Variants in XIRP2 observed in about 807,000 individuals in gnomAD.
The protein encoded by XIRP2 is xin actin binding repeat containing 2, also known as xin actin-binding repeat-containing protein 2.
A neutral mutation model predicts 277.0 loss-of-function variants in XIRP2; 236 were observed. The observed-to-expected ratio is 0.85, with a 90% CI of 0.77 to 0.95. The LOEUF (loss-of-function observed/expected upper bound fraction) is 0.95. Ranked by LOEUF, XIRP2 falls within the 40% of genes least tolerant of loss-of-function variation. The pLI, the probability that XIRP2 is intolerant of heterozygous loss-of-function variation, is 0.00. For synonymous variants in XIRP2, 1,490 were observed against 1,416.5 expected, an observed-to-expected ratio of 1.05 and a Z score of -1.17; for missense variants, 4,640 against 4,157.5, an observed-to-expected ratio of 1.12 and a Z score of -3.19.
intron 3 of XIRP2, among the ~76,000 whole-genome samples, chr2:167,150,971 C>A (rs1337305888): frequency 1.3e-5 from 2 of 152,108 alleles, no homozygotes; most frequent in East Asian, 1.9e-4. Flanking sequence ...AAGAGACTTG[C>A]AAGTTTAAAA....
In XIRP2 at chr2:167,246,715, G is replaced by C; in HGVS notation, c.5323G>C (p.Glu1775Gln). 1.2e-6 allele frequency: 2 copies of C among 1,613,708 alleles called. No individual in the cohort carries two copies. The highest frequency in any genetic ancestry group is 2.2e-5 in the South Asian group (2 of 91,078). Reference protein sequence around the residue: ...SNETLTAKKQEGEKEIIGGDV... With the variant: ...SNETLTAKKQQGEKEIIGGDV... ...TGAAACACTGACAGCTAAGAAACAA[G>C]AAGGAGAGAAAGAAATCATTGGTGG... Residue 1775 changes from glutamate to glutamine, a missense_variant, in exon 9 of 11, where the codon GAA (glutamate) becomes CAA (glutamine). Glu to Gln is a conservative substitution (Grantham distance 29). Coordinates refer to ENST00000409195, the MANE Select transcript of XIRP2 (RefSeq NM_152381.6).
intron 2 of XIRP2, among the ~76,000 whole-genome samples, chr2:167,011,040 T>G (rs1328217276): frequency 2.6e-5 from 4 of 152,172 alleles, no homozygotes; most frequent in Non-Finnish European, 5.9e-5. Context: ...GACTTCCTCT[T>G]TTCCTAATTG....
intron 2 of XIRP2, among the ~76,000 whole-genome samples, chr2:167,037,519 G>A: frequency 1.3e-5 from 1 of 76,426 alleles, no homozygotes; most frequent in East Asian, 3.9e-4. Context: ...CATGTGGGGG[G>A]TGTGTGTGTG....
At chr2:166,983,029 CCTTCAGTTAGGTGG>C (rs1686914841) in intron 2 of XIRP2, among the ~76,000 whole-genome samples, 1 of 152,132 alleles carries the variant, frequency 6.6e-6, no homozygotes, top group Non-Finnish European at 1.5e-5. Flanking sequence ...CTTTCTGGTG[CCTTCAGTTAGGTGG>C]CTTTTGCTGT....
At chr2:167,098,114 G>A (rs1279642254) in intron 2 of XIRP2, among the ~76,000 whole-genome samples, 3 of 152,142 alleles carry the variant, frequency 2.0e-5, no homozygotes, top group African/African-American at 7.2e-5. Flanking sequence ...GGTTGGGGAG[G>A]TTCTCGTGGA....
At chr2:167,083,246 A>T (rs1243370097) in intron 2 of XIRP2, among the ~76,000 whole-genome samples, 1 of 152,014 alleles carries the variant, frequency 6.6e-6, no homozygotes, top group Non-Finnish European at 1.5e-5. Context: ...CAAAGATCAG[A>T]TAGTTGTAGA....
chr2:167,011,777 A>T (rs1197297635), intron 2 of XIRP2, among the ~76,000 whole-genome samples: 1 of 151,896 alleles, frequency 6.6e-6, no homozygotes, highest in Non-Finnish European at 1.5e-5. Context: ...TCAGAGATTC[A>T]ACTTCTTCCT....
chr2:167,246,993 C>G lies in XIRP2; in HGVS notation c.5601C>G (p.Asn1867Lys). The change falls in exon 9 of 11, where the codon AAC becomes AAG. Residue 1867 changes from asparagine (N) to lysine (K), a missense_variant. By Grantham distance (94) the Asn-to-Lys change is moderately conservative. Transcript: ENST00000409195. ...AAACAGAAGAAATTATAAAAGGTAA[C>G]ATGCTAGCCACACTCAAGTCACTTA... ...VTKTEEIIKG[N>K]MLATLKSLKE... The G allele has an allele frequency of 6.2e-7, 1 of 1,613,636 alleles. No homozygotes were observed. Among genetic ancestry groups the G allele is most frequent in the Non-Finnish European group, 8.5e-7 (1 of 1,179,742 alleles).
At chr2:167,077,280 G>C (rs1047043636) in intron 2 of XIRP2, among the ~76,000 whole-genome samples, 2 of 152,132 alleles carry the variant, frequency 1.3e-5, no homozygotes, top group East Asian at 1.9e-4. Context: ...TTTAAAGCTA[G>C]TATTACAATC....
At chr2:167,199,229 C>T (rs2390548) in intron 3 of XIRP2, among the ~76,000 whole-genome samples, 12,236 of 152,180 alleles carry the variant, frequency 0.08, 530 homozygotes, top group South Asian at 0.15. Flanking sequence ...ACCTCTAGTT[C>T]CTACAGAATG....
chr2:167,249,260 T>C lies in XIRP2; in HGVS notation c.7868T>C (p.Val2623Ala), dbSNP rs779413406. The change falls in exon 9 of 11, where the codon GTG (valine) becomes GCG (alanine). Residue 2623 changes from valine to alanine, a missense_variant. Val to Ala is a moderately conservative substitution (Grantham distance 64). Transcript: ENST00000409195. ...CAAAGTAATGCTCGGATACTAGGAG[T>C]GTGTTCTGATAACCAACTCTCCACA... ...GSQSNARILG[V>A]CSDNQLSTTS... 1.9e-6 allele frequency: 3 copies of C among 1,613,436 alleles called. No homozygotes were observed. In the African/African-American group the frequency reaches 4.0e-5, roughly 22 times the overall value.
chr2:166,940,669 G>A (rs1685680755), intron 2 of XIRP2, among the ~76,000 whole-genome samples: 1 of 152,204 alleles, frequency 6.6e-6, no homozygotes, highest in South Asian at 2.1e-4. Context: ...CTAACAGTCA[G>A]GACCCTCAGC....
chr2:167,253,423 A>T lies in XIRP2; in HGVS notation c.10556-609A>T, dbSNP rs572474632. The stretch of plus-strand genomic sequence containing the variant: ...AGATTGAGGACAAATGACCCTGAGC[A>T]TTTTACTGTGTTCAGGAGTCTCATT... On this transcript the variant is annotated intron_variant, in intron 9 of 10. Transcript: ENST00000409195. Among the ~76,000 whole-genome samples the T allele has an allele frequency of 6.6e-5, 10 of 151,948 alleles. 1 individual carries two copies. The South Asian group carries it at 1.9e-3, about 28-fold the overall frequency.
intron 2 of XIRP2, among the ~76,000 whole-genome samples, chr2:167,128,110 A>G (rs2105310767): frequency 6.6e-6 from 1 of 152,344 alleles, no homozygotes; most frequent in East Asian, 1.9e-4. Flanking sequence ...TAGAATATCT[A>G]GAAATTATGC....
At chr2:167,026,416 C>G (rs952387287) in intron 2 of XIRP2, among the ~76,000 whole-genome samples, 11 of 152,136 alleles carry the variant, frequency 7.2e-5, no homozygotes, top group Admixed American at 7.2e-4. Flanking sequence ...TCCAATTTTC[C>G]AGTCTGTGTC....
At chr2:167,240,851 A>G (rs1485371707) in intron 7 of XIRP2, 115 bp downstream of exon 7, 4 of 887,942 alleles carry the variant, frequency 4.5e-6, no homozygotes, top group Non-Finnish European at 7.4e-6. Context: ...AGTAACTATG[A>G]CTCATGGTTC....
chr2:167,057,195 A>G (rs1278794674), intron 2 of XIRP2, among the ~76,000 whole-genome samples: 1 of 152,130 alleles, frequency 6.6e-6, no homozygotes, highest in East Asian at 1.9e-4. Context: ...ATGTTTCAGG[A>G]CCCAGATAAT....
chr2:167,180,233 T>A (rs982215498), intron 3 of XIRP2, among the ~76,000 whole-genome samples: 2 of 152,158 alleles, frequency 1.3e-5, no homozygotes, highest in Non-Finnish European at 2.9e-5. Flanking sequence ...TCATCTCAGA[T>A]CTTACTTCAC....
chr2:167,160,899 A>G (rs1223904393), intron 3 of XIRP2, among the ~76,000 whole-genome samples: 2 of 152,252 alleles, frequency 1.3e-5, no homozygotes, highest in Non-Finnish European at 2.9e-5. Flanking sequence ...TGAGCCTGTA[A>G]AATCGAAAGC....
Sources: gnomAD v4.1 joint callset for allele counts (sites outside exome capture counted in the v4.1 genomes callset) on GRCh38, gnomAD v4.1.1 for gene constraint, MANE v1.5 for transcripts, NCBI Gene and HGNC (gene_info 2026-07-23, HGNC 2026-07-21) for gene names.